The following NCKAP5 variants were observed in gnomAD, a reference collection of about 807,000 sequenced individuals.
The protein encoded by NCKAP5 is NCK associated protein 5.
NCKAP5 carries 92 observed loss-of-function variants against 167.0 expected under a neutral mutation model. The ratio of observed to expected loss-of-function variants is 0.55; its 90% CI spans 0.47 to 0.66. The LOEUF (loss-of-function observed/expected upper bound fraction) is 0.66, where lower values mean the gene tolerates loss of function less well. Among genes scored for constraint, NCKAP5 ranks in the 30% least tolerant of loss-of-function variants. NCKAP5 has a pLI of 0.00. For missense variants in NCKAP5, 2,378 were observed against 2,315.0 expected (o/e 1.03, Z -0.56); for synonymous variants, 891 against 877.4 (o/e 1.02, Z -0.27).
intron 6 of NCKAP5, among the ~76,000 whole-genome samples, chr2:133,074,167 C>A (rs1046466805): frequency 6.6e-6 from 1 of 151,972 alleles, no homozygotes; most frequent in Non-Finnish European, 1.5e-5. Context: ...AAATATTTGT[C>A]TCTATATTTT....
intron 7 of NCKAP5, among the ~76,000 whole-genome samples, chr2:132,965,904 T>TGTGTG (rs564718652): frequency 1.4e-5 from 2 of 140,870 alleles, no homozygotes; most frequent in African/African-American, 5.3e-5. Context: ...ACATGACTCT[T>TGTGTG]TGTGTGTGTG....
chr2:132,922,764 G>C (rs981023414), intron 8 of NCKAP5, among the ~76,000 whole-genome samples: 1 of 152,198 alleles, frequency 6.6e-6, no homozygotes, highest in Non-Finnish European at 1.5e-5. Context: ...CATACAGCCA[G>C]CAAGACAGAG....
chr2:133,282,671 T>TATGA (rs1316219815), intron 4 of NCKAP5, among the ~76,000 whole-genome samples: 3 of 152,222 alleles, frequency 2.0e-5, no homozygotes, highest in Non-Finnish European at 2.9e-5. Flanking sequence ...TAATACGGTA[T>TATGA]ATGAATGAAT....
At chr2:133,053,284 G>C (rs1386497489) in intron 6 of NCKAP5, among the ~76,000 whole-genome samples, 1 of 152,180 alleles carries the variant, frequency 6.6e-6, no homozygotes, top group Non-Finnish European at 1.5e-5. Flanking sequence ...AAAGAAAGAT[G>C]CTGTCTCCTG....
chr2:132,842,790 T>G (rs1165126372), intron 11 of NCKAP5, among the ~76,000 whole-genome samples: 1 of 152,138 alleles, frequency 6.6e-6, no homozygotes, highest in African/African-American at 2.4e-5. Context: ...TCCTTCTGCC[T>G]CGGCCTCCCA....
At chr2:133,247,623 C>A (rs1228351950) in intron 4 of NCKAP5, among the ~76,000 whole-genome samples, 1 of 152,120 alleles carries the variant, frequency 6.6e-6, no homozygotes, top group East Asian at 1.9e-4. Flanking sequence ...AGTTAAAGAC[C>A]CACTTAAAAA....
At chr2:133,076,627 G>C (rs929593564) in intron 6 of NCKAP5, among the ~76,000 whole-genome samples, 2 of 152,196 alleles carry the variant, frequency 1.3e-5, no homozygotes, top group Non-Finnish European at 2.9e-5. Context: ...GAACACTAGA[G>C]GTGGGCAGCC....
chr2:133,089,885 C>G (rs2081115709), intron 6 of NCKAP5, among the ~76,000 whole-genome samples: 1 of 152,172 alleles, frequency 6.6e-6, no homozygotes, highest in Non-Finnish European at 1.5e-5. Context: ...CTTTCCTAGT[C>G]AAGACCTTTG....
the NCKAP5 span, among the ~76,000 whole-genome samples, chr2:133,617,284 T>C: frequency 6.6e-6 from 1 of 152,132 alleles, no homozygotes; most frequent in Non-Finnish European, 1.5e-5. Context: ...TTCAACATAG[T>C]GTTGAAAGTT....
intron 6 of NCKAP5, among the ~76,000 whole-genome samples, chr2:133,080,939 T>C (rs1404986580): frequency 2.0e-5 from 3 of 151,990 alleles, no homozygotes; most frequent in Non-Finnish European, 4.4e-5. Flanking sequence ...AAGAAGGGCT[T>C]GGATAAAACA....
intron 16 of NCKAP5, among the ~76,000 whole-genome samples, chr2:132,738,485 A>C (rs1228341474): frequency 6.6e-6 from 1 of 152,224 alleles, no homozygotes; most frequent in African/African-American, 2.4e-5. Context: ...CTAAGTTCTT[A>C]CTAAAGAGTC....
intron 3 of NCKAP5, among the ~76,000 whole-genome samples, chr2:133,454,891 A>C (rs1691751482): frequency 6.6e-6 from 1 of 152,124 alleles, no homozygotes; most frequent in African/African-American, 2.4e-5. Flanking sequence ...AATGTTACCT[A>C]TCACAGGTAC....
chr2:133,598,159 G>C, the NCKAP5 span, among the ~76,000 whole-genome samples: 2 of 152,204 alleles, frequency 1.3e-5, no homozygotes, highest in African/African-American at 2.4e-5. Flanking sequence ...AGGATGGTAA[G>C]AGTGCCTAGT....
intron 19 of NCKAP5, among the ~76,000 whole-genome samples, chr2:132,682,964 A>C (rs1685438372): frequency 6.7e-6 from 1 of 150,178 alleles, no homozygotes; most frequent in African/African-American, 2.5e-5. Context: ...GGCTCACTTC[A>C]ACCTCCACCT....
intron 5 of NCKAP5, among the ~76,000 whole-genome samples, chr2:133,148,594 A>T (rs1278381767): frequency 6.6e-6 from 1 of 152,128 alleles, no homozygotes; most frequent in African/African-American, 2.4e-5. Context: ...GACTTAAAGA[A>T]CAGAACTTTA....
intron 6 of NCKAP5, among the ~76,000 whole-genome samples, chr2:133,072,571 T>A (rs534715048): frequency 6.6e-6 from 1 of 152,212 alleles, no homozygotes; most frequent in South Asian, 2.1e-4. Flanking sequence ...TCGTGAGTTC[T>A]TCAAGAGTCC....
At chr2:133,653,567 T>C in the NCKAP5 span, among the ~76,000 whole-genome samples, 1 of 152,238 alleles carries the variant, frequency 6.6e-6, no homozygotes, top group Non-Finnish European at 1.5e-5. Context: ...CCTTTCAAGA[T>C]GACCCTATTA....
chr2:133,001,340 C>A (rs560127416), intron 6 of NCKAP5, among the ~76,000 whole-genome samples: 1 of 151,952 alleles, frequency 6.6e-6, no homozygotes, highest in South Asian at 2.1e-4. Context: ...CAGCCTCAGC[C>A]TCCAGATAGC....
chr2:133,597,689 A>G, the NCKAP5 span, among the ~76,000 whole-genome samples: 1 of 150,108 alleles, frequency 6.7e-6, no homozygotes, highest in African/African-American at 2.4e-5. Context: ...AAAAAAAAAA[A>G]AAAAAAAAAG....
Sources: gnomAD v4.1 joint callset for allele counts (sites outside exome capture counted in the v4.1 genomes callset) on GRCh38, gnomAD v4.1.1 for gene constraint, MANE v1.5 for transcripts, NCBI Gene and HGNC (gene_info 2026-07-23, HGNC 2026-07-21) for gene names.